EHMT1: variants seen among roughly 807,000 people sequenced by gnomAD.
EHMT1 encodes euchromatic histone lysine methyltransferase 1, also known as histone-lysine N-methyltransferase EHMT1.
In EHMT1, 15 loss-of-function variants were observed where a neutral mutation model predicts 147.2. The observed-to-expected ratio is 0.10, with a 90% CI of 0.07 to 0.16. The LOEUF (loss-of-function observed/expected upper bound fraction) is 0.16. EHMT1 is among the 10% of genes least tolerant of loss of function. EHMT1 has a pLI of 1.00. For synonymous variants in EHMT1, 795 were observed against 709.6 expected, an observed-to-expected ratio of 1.12 and a Z score of -1.91; for missense variants, 1,587 against 1,772.4, an observed-to-expected ratio of 0.90 and a Z score of 1.88.
chr9:137,782,326 C>G lies in EHMT1; in HGVS notation c.2311C>G (p.Gln771Glu), dbSNP rs768680122. Residue 771 changes from glutamine to glutamate, a missense_variant, in exon 15 of 27, where the codon CAG (glutamine) becomes GAG (glutamate). Gln to Glu is a conservative substitution (Grantham distance 29, BLOSUM62 2). This residue lies in a region of EHMT1 where 201 missense variants were observed against 350.1 expected (regional missense o/e 0.57). Transcript: ENST00000460843. This position sits in a 1 kb window ranked among gnomAD's most constrained non-coding sequence, Gnocchi z 5.7. Reference protein sequence around the residue: ...GIDPNFKMEHQNKRSPLHAAA... With the variant: ...GIDPNFKMEHENKRSPLHAAA... The stretch of plus-strand genomic sequence containing the variant: ...TGACCCCAACTTCAAAATGGAGCAC[C>G]AGAATAAGCGCTCTCCACTGCACGC... 1.2e-6 allele frequency: 2 copies of G among 1,613,652 alleles called. No individual in the cohort carries two copies. The highest frequency in any genetic ancestry group is 1.7e-5 in the Admixed American group (1 of 60,016).
At chr9:137,834,196 A>C (rs2133147799) in intron 25 of EHMT1, 153 bp from the exon 26 acceptor site, 3 of 996,938 alleles carry the variant, frequency 3.0e-6, no homozygotes, top group Non-Finnish European at 4.4e-6. Context: ...GAGGCTCCGC[A>C]CCGCCGCCAC....
chr9:137,741,943 C>G (rs1564672217), intron 4 of EHMT1, among the ~76,000 whole-genome samples: 2 of 152,166 alleles, frequency 1.3e-5, no homozygotes, highest in South Asian at 2.1e-4. Flanking sequence ...TTCAAAATAT[C>G]AAGATGATTA....
chr9:137,754,834 T>C (rs1437422389), intron 8 of EHMT1, among the ~76,000 whole-genome samples: 1 of 152,192 alleles, frequency 6.6e-6, no homozygotes, highest in Non-Finnish European at 1.5e-5. Context: ...CATTGTTGAA[T>C]GTTGAACCGA....
At chr9:137,728,880 T>C (rs1946854156) in intron 4 of EHMT1, among the ~76,000 whole-genome samples, 1 of 152,174 alleles carries the variant, frequency 6.6e-6, no homozygotes, top group South Asian at 2.1e-4. Flanking sequence ...TGGGGTGTGC[T>C]GGGGAAGTCT....
At chr9:137,735,408 A>G (rs1947447141) in intron 4 of EHMT1, among the ~76,000 whole-genome samples, 2 of 152,238 alleles carry the variant, frequency 1.3e-5, no homozygotes, top group Non-Finnish European at 2.9e-5. Context: ...ACACAAAAGG[A>G]AATGAGAAAA....
At chr9:137,705,721 G>A (rs1944210127) in intron 1 of EHMT1, among the ~76,000 whole-genome samples, 1 of 152,208 alleles carries the variant, frequency 6.6e-6, no homozygotes, top group Non-Finnish European at 1.5e-5. Context: ...CCAAGTCAGG[G>A]CTGTCCTCCC....
intron 1 of EHMT1, among the ~76,000 whole-genome samples, chr9:137,680,631 G>A (rs186435716): frequency 6.6e-6 from 1 of 152,228 alleles, no homozygotes; most frequent in African/African-American, 2.4e-5. Flanking sequence ...TTGTGAGATG[G>A]TCCTGCACCA....
intron 6 of EHMT1, among the ~76,000 whole-genome samples, chr9:137,752,038 T>C (rs1367048306): frequency 6.6e-6 from 1 of 152,234 alleles, no homozygotes; most frequent in Non-Finnish European, 1.5e-5. Flanking sequence ...GGTGAGCTCT[T>C]GCCTCAGTCC....
At chr9:137,726,793 C>A (rs148483458) in intron 3 of EHMT1, among the ~76,000 whole-genome samples, 1 of 152,212 alleles carries the variant, frequency 6.6e-6, no homozygotes, top group Non-Finnish European at 1.5e-5. Context: ...AGTAGCCATC[C>A]ATGCTGCTCA....
chr9:137,815,642 G>A (rs897279028), intron 22 of EHMT1: 10 of 430,746 alleles, frequency 2.3e-5, no homozygotes, highest in African/African-American at 4.0e-5. Flanking sequence ...TGGCAGCCTC[G>A]GTGAGGCTGG....
At position 137,759,767 on chromosome 9, in the gene EHMT1, G is replaced by A. The variant is rs534874179; in HGVS notation, c.1501+1756G>A. Among the ~76,000 whole-genome samples, 105 of 152,350 alleles carry A rather than the reference G, an allele frequency of 6.9e-4. 1 individual carries two copies. Among genetic ancestry groups the A allele is most frequent in the African/African-American group, 2.4e-3 (99 of 41,588 alleles). ...TGCGCCCACTGTGCTGGTGCTGGCC[G>A]TGTGGCCCGGGACCCCAGAGGGAGG... On this transcript the variant is annotated intron_variant, in intron 9 of 26. Coordinates refer to ENST00000460843, the MANE Select transcript of EHMT1 (RefSeq NM_024757.5).
chr9:137,635,516 T>C (rs550481053), intron 1 of EHMT1, among the ~76,000 whole-genome samples: 10 of 150,668 alleles, frequency 6.6e-5, no homozygotes, highest in Admixed American at 1.3e-4. Flanking sequence ...CGCTCGGCCT[T>C]CAGTTTTCTT....
At chr9:137,794,161 T>G (rs10867074) in intron 16 of EHMT1, among the ~76,000 whole-genome samples, 50,262 of 152,100 alleles carry the variant, frequency 0.33, 8,593 homozygotes, top group Admixed American at 0.43. Flanking sequence ...ATATTATTCT[T>G]TGAAACACCT....
chr9:137,774,832 C>G (rs530257905), intron 10 of EHMT1, among the ~76,000 whole-genome samples: 41 of 151,796 alleles, frequency 2.7e-4, no homozygotes, highest in African/African-American at 9.7e-4. Context: ...TGTGGTCGCG[C>G]CTGGCCCACT....
At chr9:137,633,761 A>C (rs897229969) in intron 1 of EHMT1, among the ~76,000 whole-genome samples, 2 of 151,620 alleles carry the variant, frequency 1.3e-5, no homozygotes, top group Non-Finnish European at 2.9e-5. Flanking sequence ...CCGACCCCCG[A>C]CACTGCTCTA....
intron 14 of EHMT1, among the ~76,000 whole-genome samples, chr9:137,780,877 G>T (rs1352363866): frequency 9.7e-6 from 1 of 102,966 alleles, no homozygotes; most frequent in Non-Finnish European, 2.1e-5. Flanking sequence ...ATGACGCCGG[G>T]ATGTGTGGTG....
intron 1 of EHMT1, among the ~76,000 whole-genome samples, chr9:137,629,681 T>TCG (rs1403884548): frequency 6.6e-6 from 1 of 151,826 alleles, no homozygotes; most frequent in Non-Finnish European, 1.5e-5. Context: ...GCATGAGCCA[T>TCG]CGCACCTGGT....
chr9:137,758,516 A>T (rs1441105311), intron 9 of EHMT1, among the ~76,000 whole-genome samples: 1 of 152,222 alleles, frequency 6.6e-6, no homozygotes, highest in East Asian at 1.9e-4. Flanking sequence ...GTTGTGCCAG[A>T]AGTTGTCCGT....
intron 3 of EHMT1, among the ~76,000 whole-genome samples, chr9:137,724,969 C>T (rs888042110): frequency 2.0e-5 from 3 of 149,092 alleles, no homozygotes; most frequent in Non-Finnish European, 4.4e-5. Flanking sequence ...ATTCATGGGG[C>T]ATTCGTGTGG....
Sources: gnomAD v4.1 joint callset for allele counts (sites outside exome capture counted in the v4.1 genomes callset) on GRCh38, gnomAD v4.1.1 for gene constraint, gnomAD v4.1.1 regional missense constraint, Gnocchi (gnomAD v3.1) non-coding constraint, MANE v1.5 for transcripts, NCBI Gene and HGNC (gene_info 2026-07-23, HGNC 2026-07-21) for gene names.